The following PRORP variants were observed in gnomAD, a reference collection of about 807,000 sequenced individuals.
PRORP encodes the protein protein only RNase P catalytic subunit.
PRORP carries 51 observed loss-of-function variants against 59.4 expected under a neutral mutation model. That is an observed-to-expected ratio of 0.86 (90% confidence interval 0.69 to 1.08). The LOEUF (loss-of-function observed/expected upper bound fraction) is 1.08. PRORP is among the 50% of genes least tolerant of loss of function. PRORP has a pLI of 0.00. For synonymous variants in PRORP, 231 were observed against 245.6 expected (o/e 0.94, Z 0.55); for missense variants, 646 against 690.3 (o/e 0.94, Z 0.72).
At chr14:35,178,435 G>A (rs1382328888) in intron 4 of PRORP, among the ~76,000 whole-genome samples, 1 of 152,178 alleles carries the variant, frequency 6.6e-6, no homozygotes, top group Non-Finnish European at 1.5e-5. Context: ...CCTGTATTGG[G>A]TGCATATATA....
chr14:35,249,260 G>C lies in PRORP; in HGVS notation c.1276-17467G>C, dbSNP rs1276269956. Among the ~76,000 whole-genome samples, 6 of 152,134 alleles carry C rather than the reference G, an allele frequency of 3.9e-5. No homozygotes were observed. In the East Asian group the frequency reaches 1.2e-3, roughly 29 times the overall value. The stretch of plus-strand genomic sequence containing the variant: ...CAGTTCAAGCCCCAAATTACCATGA[G>C]GTTATCTTTAGTGAGGTAATCACAT... On this transcript the variant is annotated intron_variant, in intron 5 of 7. Transcript: ENST00000534898.
At chr14:35,200,157 G>A (rs529140940) in intron 5 of PRORP, among the ~76,000 whole-genome samples, 3 of 152,204 alleles carry the variant, frequency 2.0e-5, no homozygotes, top group African/African-American at 7.2e-5. Flanking sequence ...TTCCATGATT[G>A]TGAAAATATT....
intron 4 of PRORP, among the ~76,000 whole-genome samples, chr14:35,153,360 C>G (rs908331750): frequency 1.3e-5 from 2 of 152,024 alleles, no homozygotes; most frequent in Admixed American, 1.3e-4. Context: ...GCTTCAGCTC[C>G]GCATCAGAGG....
At chr14:35,221,367 T>C (rs1225603638) in intron 5 of PRORP, among the ~76,000 whole-genome samples, 7 of 152,236 alleles carry the variant, frequency 4.6e-5, no homozygotes, top group Admixed American at 4.6e-4. Flanking sequence ...GTATAATTGG[T>C]TTTCCCTTTT....
chr14:35,188,700 G>A (rs528550626), intron 5 of PRORP, among the ~76,000 whole-genome samples: 9 of 151,690 alleles, frequency 5.9e-5, no homozygotes, highest in African/African-American at 2.2e-4. Context: ...CCTAAGAGCC[G>A]GGCGCCGTGG....
chr14:35,271,876 A>T (rs2051199359), intron 7 of PRORP, among the ~76,000 whole-genome samples: 1 of 152,164 alleles, frequency 6.6e-6, no homozygotes, highest in South Asian at 2.1e-4. Context: ...AAATACAAAA[A>T]TTAGCCAGGC....
At position 35,277,283 on chromosome 14, in the gene PRORP, C is replaced by G. The variant is rs1247685810; in HGVS notation, c.*3717C>G. The G allele has an allele frequency of 2.0e-5, 3 of 152,338 alleles. No homozygotes were observed. Among genetic ancestry groups the G allele is most frequent in the Non-Finnish European group, 4.4e-5 (3 of 68,154 alleles). The allele number at this position is 152,338 out of a possible 1,614,324, so 9.4% of individuals were successfully genotyped here. A position where few individuals can be genotyped will look rare whatever the true frequency, so the allele number is the denominator to read the frequency against. ...TCAGGTGATCCACCCACCTCAGCCT[C>G]CCAAAGTGCTGGGATTACAGGTGTG... On this transcript the variant is annotated 3_prime_UTR_variant, in exon 8 of 8. Transcript: ENST00000534898.
chr14:35,151,977 C>G (rs2047765324), intron 4 of PRORP, among the ~76,000 whole-genome samples: 2 of 140,610 alleles, frequency 1.4e-5, no homozygotes, highest in African/African-American at 5.3e-5. Flanking sequence ...GTGTTTCTCG[C>G]AGAGGGGGAT....
chr14:35,235,869 A>G (rs555683188), intron 5 of PRORP, among the ~76,000 whole-genome samples: 1 of 152,104 alleles, frequency 6.6e-6, no homozygotes, highest in South Asian at 2.1e-4. Flanking sequence ...TTTTGAGACC[A>G]GCCTGGGCAA....
At chr14:35,211,645 A>G (rs563390564) in intron 5 of PRORP, among the ~76,000 whole-genome samples, 1 of 152,362 alleles carries the variant, frequency 6.6e-6, no homozygotes, top group South Asian at 2.1e-4. Flanking sequence ...CATTATGTCT[A>G]AAAATAATGC....
In PRORP at chr14:35,191,402, G is replaced by A. The variant is rs550611135; in HGVS notation, c.1275+10625G>A. 3.3e-5 allele frequency among the ~76,000 whole-genome samples: 5 copies of A among 152,228 alleles called. No individual in the cohort carries two copies. The East Asian group carries it at 9.6e-4, about 29-fold the overall frequency. ...TTCATTATAAATTACCCAGTTTTGG[G>A]TATGTCTTTATCAGTAGCATGAAAA... On this transcript the variant is annotated intron_variant, in intron 5 of 7. Coordinates refer to ENST00000534898, the MANE Select transcript of PRORP (RefSeq NM_014672.4).
intron 5 of PRORP, among the ~76,000 whole-genome samples, chr14:35,181,015 T>C (rs1198174757): frequency 1.3e-5 from 2 of 152,158 alleles, no homozygotes; most frequent in Non-Finnish European, 2.9e-5. Flanking sequence ...AAGATTGCAA[T>C]ACAGGGCCAG....
chr14:35,133,341 T>A (rs1329956771), intron 4 of PRORP, among the ~76,000 whole-genome samples: 1 of 151,692 alleles, frequency 6.6e-6, no homozygotes, highest in Non-Finnish European at 1.5e-5. Flanking sequence ...AGCTTCAGAA[T>A]TTCTGCTTGA....
chr14:35,197,284 G>C lies in PRORP; in HGVS notation c.1275+16507G>C, dbSNP rs144230920. Among the ~76,000 whole-genome samples, 484 of 152,266 alleles carry C rather than the reference G, an allele frequency of 3.2e-3. 2 individuals are homozygous for C. The highest frequency in any genetic ancestry group is 0.011 in the African/African-American group (468 of 41,560). Reference sequence around the variant, plus strand: ...GTGTTTTAAAACACTCTCATTGAGAGTGTGGTAGGAAGAGGCCACTTATGA... The same window carrying C: ...GTGTTTTAAAACACTCTCATTGAGACTGTGGTAGGAAGAGGCCACTTATGA... On this transcript the variant is annotated intron_variant, in intron 5 of 7. Coordinates refer to ENST00000534898, the MANE Select transcript of PRORP (RefSeq NM_014672.4).
intron 5 of PRORP, among the ~76,000 whole-genome samples, chr14:35,199,037 G>A (rs1396430134): frequency 6.6e-6 from 1 of 152,076 alleles, no homozygotes; most frequent in Non-Finnish European, 1.5e-5. Context: ...GCCTGGTGGC[G>A]GGCACCTGTA....
At chr14:35,272,343 T>G (rs2138683326) in intron 7 of PRORP, among the ~76,000 whole-genome samples, 1 of 152,332 alleles carries the variant, frequency 6.6e-6, no homozygotes, top group East Asian at 1.9e-4. Context: ...CTGGGTGCAG[T>G]GGCTCACTTG....
At chr14:35,226,974 G>A (rs946717367) in intron 5 of PRORP, among the ~76,000 whole-genome samples, 5 of 151,416 alleles carry the variant, frequency 3.3e-5, no homozygotes, top group African/African-American at 7.3e-5. Context: ...AAGCTCAAGC[G>A]ATCCACCCGC....
chr14:35,174,662 T>A (rs957736632), intron 4 of PRORP, among the ~76,000 whole-genome samples: 2 of 152,074 alleles, frequency 1.3e-5, no homozygotes, highest in Non-Finnish European at 2.9e-5. Flanking sequence ...ACGGTTGTAC[T>A]GGTAGAGTGG....
chr14:35,273,318 G>A, intron 7 of PRORP, 117 bp from the exon 8 acceptor site: 1 of 938,638 alleles, frequency 1.1e-6, no homozygotes, highest in Non-Finnish European at 1.5e-6. Flanking sequence ...ATTATTAAGT[G>A]AGATAATCCA....
Sources: gnomAD v4.1 joint callset for allele counts (sites outside exome capture counted in the v4.1 genomes callset) on GRCh38, gnomAD v4.1.1 for gene constraint, MANE v1.5 for transcripts, NCBI Gene and HGNC (gene_info 2026-07-23, HGNC 2026-07-21) for gene names.